SCN4B: variants seen among roughly 807,000 people sequenced by gnomAD.
SCN4B encodes the protein sodium voltage-gated channel beta subunit 4.
In SCN4B, 20 loss-of-function variants were observed where a neutral mutation model predicts 19.6. The observed-to-expected ratio is 1.02, with a 90% CI of 0.72 to 1.48. SCN4B has a LOEUF of 1.48. SCN4B is among the 40% of genes most tolerant of loss of function. The probability of loss-of-function intolerance (pLI) is 0.00; values close to 1 mark genes in which losing one functional copy is unlikely to be tolerated. For synonymous variants in SCN4B, 127 were observed against 122.8 expected (o/e 1.03, Z -0.22); for missense variants, 271 against 287.5 (o/e 0.94, Z 0.42).
chr11:118,145,563 A>T, intron 1 of SCN4B: 1 of 946,718 alleles, frequency 1.1e-6, no homozygotes, highest in South Asian at 1.7e-5. Flanking sequence ...CTGGGGACGC[A>T]GTGCCTGGAA....
chr11:118,139,903 T>TTTC lies in SCN4B; in HGVS notation c.593+1303_593+1304insGAA, dbSNP rs1445810348. ...TCTAGCATTCCTTTTTTTTTTTTCT[T>TTTC]TTTTCTTTTTTTTTTTAAGAGACGA... is the stretch of plus-strand genomic sequence containing the variant. On this transcript the variant is annotated intron_variant, in intron 4 of 4. Transcript: ENST00000324727. Among the ~76,000 whole-genome samples the TTTC allele has an allele frequency of 2.5e-5, 3 of 117,692 alleles. No individual in the cohort carries two copies. In the Admixed American group the frequency reaches 2.8e-4, roughly 11 times the overall value. 77.2% of individuals were successfully genotyped at this position (117,692 alleles called of 152,430 possible). A position where few individuals can be genotyped will look rare whatever the true frequency, so the allele number is the denominator to read the frequency against.
rs1012068693 is a variant in SCN4B at position 118,145,413 on chromosome 11, A to G, written c.62-184T>C. The G allele has an allele frequency of 4.5e-5, 68 of 1,521,570 alleles. No individual in the cohort carries two copies. In the Admixed American group the frequency reaches 9.5e-4, roughly 21 times the overall value. The allele number at this position is 1,521,570 out of a possible 1,614,324, so 94.3% of individuals were successfully genotyped here. A position where few individuals can be genotyped will look rare whatever the true frequency, so the allele number is the denominator to read the frequency against. ...CCTGGGCCACCCTCCATCATTCTCC[A>G]TTTCTCCCCTGGAAAGGACTGAATT... On this transcript the variant is annotated intron_variant, in intron 1 of 4. Coordinates refer to ENST00000324727, the MANE Select transcript of SCN4B (RefSeq NM_174934.4).
At chr11:118,137,173 G>A (rs548494939) in intron 4 of SCN4B, 53 bp from the exon 5 acceptor site, 8 of 1,358,614 alleles carry the variant, frequency 5.9e-6, no homozygotes, top group South Asian at 4.7e-5. Context: ...AGAGTAGGGG[G>A]AGAATTGTGG....
At chr11:118,147,331 T>G (rs1948190181) in intron 1 of SCN4B, among the ~76,000 whole-genome samples, 1 of 152,232 alleles carries the variant, frequency 6.6e-6, no homozygotes, top group Non-Finnish European at 1.5e-5. Flanking sequence ...GTATTTTATA[T>G]ACACTGTCTC....
chr11:118,152,678 C>T lies in SCN4B; in HGVS notation c.-5G>A, dbSNP rs1948246375. ...TCCGTCCCCAGCCCCGGGCATAGTCCTGTTCTCTCCGGAGCGCGCGGGGGT... is the reference window on the plus strand; with the variant it reads ...TCCGTCCCCAGCCCCGGGCATAGTCTTGTTCTCTCCGGAGCGCGCGGGGGT... On this transcript the variant is annotated 5_prime_UTR_variant, in exon 1 of 5. Coordinates refer to ENST00000324727, the MANE Select transcript of SCN4B (RefSeq NM_174934.4). 1 of 1,591,016 alleles carries T rather than the reference C, an allele frequency of 6.3e-7. No individual in the cohort carries two copies. Among genetic ancestry groups the T allele is most frequent in the African/African-American group, 1.3e-5 (1 of 74,530 alleles).
rs1430348068 is a variant in SCN4B at position 118,143,600 on chromosome 11, T to C, written c.463+233A>G. On this transcript the variant is annotated intron_variant, in intron 3 of 4. Transcript: ENST00000324727. ...CTAGGAAAATGAAGCCATATTCCCATTTTACAGATGAGGAAAACGAGGCTT... is the reference window on the plus strand; with the variant it reads ...CTAGGAAAATGAAGCCATATTCCCACTTTACAGATGAGGAAAACGAGGCTT... Among the ~76,000 whole-genome samples the C allele has an allele frequency of 2.0e-5, 3 of 146,968 alleles. No homozygotes were observed. The East Asian group carries it at 6.1e-4, about 30-fold the overall frequency.
chr11:118,152,455 T>TGAACCAGGCAG (rs1217803059), intron 1 of SCN4B, among the ~76,000 whole-genome samples, 158 bp downstream of exon 1: 1 of 152,130 alleles, frequency 6.6e-6, no homozygotes, highest in Non-Finnish European at 1.5e-5. Context: ...GCACAGCCTA[T>TGAACCAGGCAG]GAACCAGGCA....
At chr11:118,143,377 A>C (rs1380044508) in intron 3 of SCN4B, among the ~76,000 whole-genome samples, 1 of 152,166 alleles carries the variant, frequency 6.6e-6, no homozygotes, top group African/African-American at 2.4e-5. Context: ...CTAGCTATTT[A>C]TTTATCTTCT....
At chr11:118,146,374 T>TGGAGGC (rs1591437512) in intron 1 of SCN4B, among the ~76,000 whole-genome samples, 1 of 150,762 alleles carries the variant, frequency 6.6e-6, no homozygotes, top group East Asian at 2.0e-4. Flanking sequence ...TCAAGGTCGG[T>TGGAGGC]GGAGGCGGGG....
In SCN4B at chr11:118,136,501, T is replaced by C. The variant is rs1444092504; in HGVS notation, c.*526A>G. On this transcript the variant is annotated 3_prime_UTR_variant, in exon 5 of 5. Transcript: ENST00000324727. ...AGACTGTGGGGGATCTGGTATCCTA[T>C]GAAGCAGAGGCAGTCTCTCACTGTG... 2.2e-6 allele frequency: 1 copy of C among 453,402 alleles called. No individual in the cohort carries two copies. The highest frequency in any genetic ancestry group is 4.4e-6 in the Non-Finnish European group (1 of 226,718). 28.1% of individuals were successfully genotyped at this position (453,402 alleles called of 1,614,324 possible).
chr11:118,134,016 C>T lies in SCN4B; in HGVS notation c.*3011G>A. 1 of 454,766 alleles carries T rather than the reference C, an allele frequency of 2.2e-6. No individual in the cohort carries two copies. The highest frequency in any genetic ancestry group is 4.4e-6 in the Non-Finnish European group (1 of 226,800). 28.2% of individuals were successfully genotyped at this position (454,766 alleles called of 1,614,324 possible). ...CATGCACCCACACTGCCTGCACACG[C>T]ACACTCCACACAAGCACACCCCACC... is the stretch of plus-strand genomic sequence containing the variant. On this transcript the variant is annotated 3_prime_UTR_variant, in exon 5 of 5. Transcript: ENST00000324727.
Position 118,135,326 on chromosome 11 carries a change from G to T in SCN4B, c.*1701C>A, listed in dbSNP as rs1947979789. ...CTCAGTCTCCCCCCACTCCACCCTT[G>T]CGAGGCTTGCAGCTGCTTTTTGACA... On this transcript the variant is annotated 3_prime_UTR_variant, in exon 5 of 5. Coordinates refer to ENST00000324727, the MANE Select transcript of SCN4B (RefSeq NM_174934.4). 1 of 453,928 alleles carries T rather than the reference G, an allele frequency of 2.2e-6. No homozygotes were observed. The highest frequency in any genetic ancestry group is 2.0e-5 in the African/African-American group (1 of 49,976). 28.1% of individuals were successfully genotyped at this position (453,928 alleles called of 1,614,324 possible). A position where few individuals can be genotyped will look rare whatever the true frequency, so the allele number is the denominator to read the frequency against.
intron 4 of SCN4B, 133 bp downstream of exon 4, chr11:118,141,074 G>T (rs1389633342): frequency 1.1e-5 from 11 of 977,090 alleles, no homozygotes; most frequent in Non-Finnish European, 1.8e-5. Flanking sequence ...GGGGGTGGCA[G>T]GGATAGAACA....
rs1216633383 is a variant in SCN4B at position 118,148,197 on chromosome 11, G to T, written c.62-2968C>A. The stretch of plus-strand genomic sequence containing the variant: ...ATGGTTTCACAGAGTCCAGAGCCCT[G>T]CCCGAGTGAAAGCATCAGAGAGGGT... On this transcript the variant is annotated intron_variant, in intron 1 of 4. Transcript: ENST00000324727. The surrounding 1 kb of genome is among the most constrained non-coding windows in gnomAD (Gnocchi z 4.0). Among the ~76,000 whole-genome samples the T allele has an allele frequency of 6.6e-6, 1 of 152,232 alleles. No homozygotes were observed. The highest frequency in any genetic ancestry group is 1.5e-5 in the Non-Finnish European group (1 of 68,044).
intron 1 of SCN4B, among the ~76,000 whole-genome samples, chr11:118,147,003 C>A (rs1052260259): frequency 7.2e-5 from 11 of 152,182 alleles, no homozygotes; most frequent in African/African-American, 2.4e-4. Context: ...AACTTGAGAG[C>A]GCATCAGAAT....
rs1948206909 is a variant in SCN4B at position 118,148,662 on chromosome 11, G to A, written c.62-3433C>T. Among the ~76,000 whole-genome samples the A allele has an allele frequency of 6.6e-6, 1 of 152,172 alleles. No homozygotes were observed. Among genetic ancestry groups the A allele is most frequent in the South Asian group, 2.1e-4 (1 of 4,836 alleles). On this transcript the variant is annotated intron_variant, in intron 1 of 4. Transcript: ENST00000324727. The surrounding 1 kb of genome is among the most constrained non-coding windows in gnomAD (Gnocchi z 4.0). ...GTAGAGGAGGGTGGTATTTGAAAGG[G>A]GAGCAGGGGACAAGGGTGTCCCTCA...
intron 3 of SCN4B, chr11:118,143,023 C>T (rs1163090695): frequency 3.9e-5 from 6 of 152,274 alleles, no homozygotes; most frequent in Non-Finnish European, 1.5e-5. Flanking sequence ...CAGCAAACTC[C>T]CGGTACACAC....
In SCN4B at chr11:118,134,108, G is replaced by A. The variant is rs1456789320; in HGVS notation, c.*2919C>T. The stretch of plus-strand genomic sequence containing the variant: ...AAGAGCTCTGATCGGCCTGCCATAT[G>A]TAGTCTGAGCCCCATCGGCTGCTCT... On this transcript the variant is annotated 3_prime_UTR_variant, in exon 5 of 5. Coordinates refer to ENST00000324727, the MANE Select transcript of SCN4B (RefSeq NM_174934.4). 4.4e-6 allele frequency: 2 copies of A among 454,426 alleles called. No individual in the cohort carries two copies. Among genetic ancestry groups the A allele is most frequent in the East Asian group, 6.9e-5 (1 of 14,396 alleles). The allele number at this position is 454,426 out of a possible 1,614,324, so 28.1% of individuals were successfully genotyped here.
Position 118,136,849 on chromosome 11 carries a change from C to T in SCN4B, c.*178G>A. 1 of 690,094 alleles carries T rather than the reference C, an allele frequency of 1.4e-6. No homozygotes were observed. The highest frequency in any genetic ancestry group is 2.7e-5 in the East Asian group (1 of 36,416). The allele number at this position is 690,094 out of a possible 1,614,324, so 42.7% of individuals were successfully genotyped here. On this transcript the variant is annotated 3_prime_UTR_variant, in exon 5 of 5. Transcript: ENST00000324727. ...TGGCCATCCCTTGTCCCTGGGGAGC[C>T]CTGACTGGGAAGGGGATGGGCAGGC...
Sources: allele counts gnomAD v4.1 joint callset (sites outside exome capture counted in the v4.1 genomes callset), GRCh38; gene constraint gnomAD v4.1.1; non-coding constraint Gnocchi (gnomAD v3.1); transcripts MANE v1.5; gene names NCBI Gene and HGNC (gene_info 2026-07-23, HGNC 2026-07-21).